Variants in ARHGEF17 observed in about 807,000 individuals in gnomAD.
ARHGEF17 encodes the protein 164 kDa Rho-specific guanine-nucleotide exchange factor.
A neutral mutation model predicts 174.0 loss-of-function variants in ARHGEF17; 80 were observed. The observed-to-expected ratio is 0.46, with a 90% CI of 0.38 to 0.55. The LOEUF (loss-of-function observed/expected upper bound fraction) is 0.55. ARHGEF17 is among the 20% of genes least tolerant of loss of function. The pLI, the probability that ARHGEF17 is intolerant of heterozygous loss-of-function variation, is 0.00. For missense variants in ARHGEF17, 2,886 were observed against 2,839.7 expected, an observed-to-expected ratio of 1.02 and a Z score of -0.37; for synonymous variants, 1,311 against 1,189.1, an observed-to-expected ratio of 1.10 and a Z score of -2.11.
Position 73,309,269 on chromosome 11 carries a change from G to C in ARHGEF17, c.631G>C (p.Ala211Pro), listed in dbSNP as rs774457774. ...GCAACAGGAGCGGGCGCAGCGTCCA[G>C]CGGATGGTTTACATTCTTGGCATAT... ...QQQQERAQRP[A>P]DGLHSWHIFS... is the part of the protein sequence containing the mutation. The change falls in exon 1 of 21, where the codon GCG becomes CCG. Residue 211 changes from alanine (A) to proline (P), a missense_variant. Around this residue, in one of 4 missense-constraint regions of ARHGEF17, gnomAD observed 1,728 missense variants for 1,461.2 expected, o/e 1.18. Transcript: ENST00000263674. 1 of 1,610,944 alleles carries C rather than the reference G, an allele frequency of 6.2e-7. No homozygotes were observed. The highest frequency in any genetic ancestry group is 1.7e-5 in the Admixed American group (1 of 59,902).
intron 9 of ARHGEF17, among the ~76,000 whole-genome samples, chr11:73,358,920 C>T (rs756711337): frequency 1.3e-5 from 2 of 152,194 alleles, no homozygotes; most frequent in Non-Finnish European, 2.9e-5. Context: ...TTCCCGTAGA[C>T]ACAGTGAGAC....
chr11:73,350,184 T>C (rs1865529974), intron 2 of ARHGEF17, among the ~76,000 whole-genome samples: 1 of 152,270 alleles, frequency 6.6e-6, no homozygotes, highest in South Asian at 2.1e-4. Flanking sequence ...TATTATATTC[T>C]TTATACAAAG....
At chr11:73,323,524 A>C (rs1678717396) in intron 1 of ARHGEF17, among the ~76,000 whole-genome samples, 1 of 152,214 alleles carries the variant, frequency 6.6e-6, no homozygotes, top group Admixed American at 6.5e-5. Context: ...CCTGAAGAAG[A>C]GGAGAGCCGC....
At chr11:73,323,932 G>T (rs891621131) in intron 1 of ARHGEF17, among the ~76,000 whole-genome samples, 2 of 152,196 alleles carry the variant, frequency 1.3e-5, no homozygotes, top group East Asian at 3.8e-4. Flanking sequence ...GAGGCTCCCT[G>T]CTTTCTTCTC....
intron 1 of ARHGEF17, among the ~76,000 whole-genome samples, chr11:73,339,616 A>G (rs1865339104): frequency 6.6e-6 from 1 of 152,124 alleles, no homozygotes; most frequent in African/African-American, 2.4e-5. Flanking sequence ...GTGTGTCCAG[A>G]GGCAGGTAGT....
At chr11:73,329,373 A>ATTTTTTTTTTTTTT (rs1192905396) in intron 1 of ARHGEF17, among the ~76,000 whole-genome samples, 1 of 13,168 alleles carries the variant, frequency 7.6e-5, no homozygotes, top group African/African-American at 5.1e-4. Flanking sequence ...ATATATATAT[A>ATTTTTTTTTTTTTT]TTTTTTTTTT....
chr11:73,311,436 A>C lies in ARHGEF17; in HGVS notation c.2798A>C (p.Glu933Ala), dbSNP rs1864832099. Residue 933 changes from glutamate (E) to alanine (A), a missense_variant, in exon 1 of 21, where the codon GAG becomes GCG. This residue lies in a region of ARHGEF17 where 1,728 missense variants were observed against 1,461.2 expected (regional missense o/e 1.18). Transcript: ENST00000263674. ...CGCCCAGCTCGGAGTAGTCACCAGG[A>C]GCTTCGGAGAGACGAGGGCAGTCAG... The part of the protein sequence containing the change: ...KKRPARSSHQ[E>A]LRRDEGSQDQ... The C allele has an allele frequency of 4.3e-6, 7 of 1,613,316 alleles. No homozygotes were observed. Among genetic ancestry groups the C allele is most frequent in the Non-Finnish European group, 5.1e-6 (6 of 1,180,028 alleles).
Position 73,309,732 on chromosome 11 carries a change from CTGTG to C in ARHGEF17, c.1095_1098del (p.Val366GlufsTer9). ...GAGGGACTTCGGCCTATGTCTGACT[CTGTG>C]GGAGGAGCTTTCCGTGTGGCCAAGG... On this transcript the variant is annotated frameshift_variant, in exon 1 of 21. Coordinates refer to ENST00000263674, the MANE Select transcript of ARHGEF17 (RefSeq NM_014786.4). LOFTEE classifies it high-confidence loss of function. The C allele has an allele frequency of 6.2e-7, 1 of 1,612,862 alleles. No individual in the cohort carries two copies.
At chr11:73,332,998 C>A (rs1365287375) in intron 1 of ARHGEF17, among the ~76,000 whole-genome samples, 1 of 152,106 alleles carries the variant, frequency 6.6e-6, no homozygotes, top group Non-Finnish European at 1.5e-5. Flanking sequence ...AGGTCAGTGC[C>A]GGCACTGAGA....
At position 73,363,397 on chromosome 11, in the gene ARHGEF17, C is replaced by T. The variant is rs751925010; in HGVS notation, c.5188C>T (p.Leu1730=). 2.5e-6 allele frequency: 4 copies of T among 1,613,186 alleles called. No homozygotes were observed. In the African/African-American group the frequency reaches 5.3e-5, roughly 22 times the overall value. Residue 1730 remains leucine, a synonymous_variant, in exon 15 of 21, where the codon CTG becomes TTG. Coordinates refer to ENST00000263674, the MANE Select transcript of ARHGEF17 (RefSeq NM_014786.4). ...CACCCGGGGCAGCCTTGAGGACCTG[C>T]TGAGTGTCGACCCTGAGGCCTACCA... The part of the protein sequence containing the change: ...SFTRGSLEDL[L]SVDPEAYQSS...
At chr11:73,317,198 G>A (rs1017563753) in intron 1 of ARHGEF17, among the ~76,000 whole-genome samples, 4 of 152,148 alleles carry the variant, frequency 2.6e-5, no homozygotes, top group African/African-American at 9.7e-5. Flanking sequence ...AGTGAGGCAG[G>A]TGACAGGGCC....
At chr11:73,314,050 C>G (rs1273443273) in intron 1 of ARHGEF17, among the ~76,000 whole-genome samples, 1 of 152,200 alleles carries the variant, frequency 6.6e-6, no homozygotes, top group Non-Finnish European at 1.5e-5. Flanking sequence ...CCTCCAATTT[C>G]CCACACCCTC....
rs769602941 is a variant in ARHGEF17, at chr11:73,357,182, T to G, written c.4001+48T>G. On this transcript the variant is annotated intron_variant, in intron 8 of 20. Transcript: ENST00000263674. ...GGGTGGTGCCAACAGGGGGAGCATT[T>G]GTCCCTCTCTGAGCCCCACTCCCCG... is the stretch of plus-strand genomic sequence containing the variant. The G allele has an allele frequency of 7.4e-6, 12 of 1,612,636 alleles. No homozygotes were observed. In the South Asian group the frequency reaches 1.3e-4, roughly 18 times the overall value.
chr11:73,361,062 CGTCT>C (rs769008139), intron 11 of ARHGEF17, 22 bp from the exon 12 acceptor site: 14 of 1,593,512 alleles, frequency 8.8e-6, no homozygotes, highest in Non-Finnish European at 1.1e-5. Flanking sequence ...AAGCAGGGTC[CGTCT>C]GTCTGTCCAT....
chr11:73,309,098 G>A lies in ARHGEF17; in HGVS notation c.460G>A (p.Asp154Asn). 1 of 1,551,180 alleles carries A rather than the reference G, an allele frequency of 6.4e-7. No homozygotes were observed. Among genetic ancestry groups the A allele is most frequent in the South Asian group, 1.2e-5 (1 of 85,130 alleles). The change falls in exon 1 of 21, where the codon GAC becomes AAC. Residue 154 changes from aspartate (D) to asparagine (N), a missense_variant. Physicochemically the swap from Asp to Asn is conservative, Grantham distance 23. This residue lies in a region of ARHGEF17 where 1,728 missense variants were observed against 1,461.2 expected (regional missense o/e 1.18). Transcript: ENST00000263674. ...TGAATCCCCAGGAACGCCCAGCCCCGACGGTGCCGCGTGGGAGCCTCCGGC... is the reference window on the plus strand; with the variant it reads ...TGAATCCCCAGGAACGCCCAGCCCCAACGGTGCCGCGTGGGAGCCTCCGGC... ...DSESPGTPSP[D>N]GAAWEPPARE...
Position 73,310,681 on chromosome 11 carries a change from T to C in ARHGEF17, c.2043T>C (p.His681=). ...CATCCTCGGCCCAGACGAACCACCATGGCCCTGGGACTGAGGACAGTCTGG... is the reference window on the plus strand; with the variant it reads ...CATCCTCGGCCCAGACGAACCACCACGGCCCTGGGACTGAGGACAGTCTGG... ...LSSSSAQTNH[H]GPGTEDSLGG... The change falls in exon 1 of 21, where the codon CAT becomes CAC. Residue 681 remains histidine (H), a synonymous_variant. Transcript: ENST00000263674. The C allele has an allele frequency of 1.2e-6, 2 of 1,613,850 alleles. No individual in the cohort carries two copies. Among genetic ancestry groups the C allele is most frequent in the Non-Finnish European group, 1.7e-6 (2 of 1,179,990 alleles).
rs1002585435 is a variant in ARHGEF17 at position 73,308,929 on chromosome 11, C to T, written c.291C>T (p.Gly97=). The T allele has an allele frequency of 2.6e-5, 35 of 1,365,058 alleles. No homozygotes were observed. The highest frequency in any genetic ancestry group is 3.1e-5 in the Non-Finnish European group (33 of 1,065,530). The allele number at this position is 1,365,058 out of a possible 1,614,324, so 84.6% of individuals were successfully genotyped here. A position where few individuals can be genotyped will look rare whatever the true frequency, so the allele number is the denominator to read the frequency against. ...TCGACGCGCCGCGTCTGGACGACGG[C>T]TCCGCTGGGACCCGAGACGGAGGCG... ...RRFDAPRLDD[G]SAGTRDGGVL... is the part of the protein sequence containing the mutation. Residue 97 remains glycine (G), a synonymous_variant, in exon 1 of 21, where the codon GGC becomes GGT. Transcript: ENST00000263674.
chr11:73,365,629 G>C lies in ARHGEF17; in HGVS notation c.5726-49G>C, dbSNP rs776713294. On this transcript the variant is annotated intron_variant, in intron 19 of 20. Coordinates refer to ENST00000263674, the MANE Select transcript of ARHGEF17 (RefSeq NM_014786.4). The surrounding 1 kb of genome is among the most constrained non-coding windows in gnomAD (Gnocchi z 4.9). ...TTTCTGCCCGATCGTAGAGGCGGCTGAGCCAGGGCCAGAATTCAGCCCCAG... is the reference window on the plus strand; with the variant it reads ...TTTCTGCCCGATCGTAGAGGCGGCTCAGCCAGGGCCAGAATTCAGCCCCAG... 3 of 1,607,728 alleles carry C rather than the reference G, an allele frequency of 1.9e-6. No individual in the cohort carries two copies. Among genetic ancestry groups the C allele is most frequent in the Non-Finnish European group, 2.6e-6 (3 of 1,174,932 alleles).
At position 73,356,328 on chromosome 11, in the gene ARHGEF17, G is replaced by C; in HGVS notation, c.3817G>C (p.Ala1273Pro). 3.1e-6 allele frequency: 5 copies of C among 1,612,016 alleles called. No homozygotes were observed. Among genetic ancestry groups the C allele is most frequent in the Non-Finnish European group, 4.2e-6 (5 of 1,179,994 alleles). Residue 1273 changes from alanine (A) to proline (P), a missense_variant, in exon 6 of 21, where the codon GCT (alanine) becomes CCT (proline). Around this residue, in one of 4 missense-constraint regions of ARHGEF17, gnomAD observed 353 missense variants for 470.3 expected, o/e 0.75. Transcript: ENST00000263674. ...RHARVLQEIE[A>P]HIEGMEDLQA... Reference sequence around the variant, plus strand: ...TGCCCGTGTGCTGCAGGAGATAGAGGCTCACATCGAGGGCATGGAGGATGT... The same window carrying C: ...TGCCCGTGTGCTGCAGGAGATAGAGCCTCACATCGAGGGCATGGAGGATGT...
Sources: gnomAD v4.1 joint callset for allele counts (sites outside exome capture counted in the v4.1 genomes callset) on GRCh38, gnomAD v4.1.1 for gene constraint, gnomAD v4.1.1 regional missense constraint, Gnocchi (gnomAD v3.1) non-coding constraint, MANE v1.5 for transcripts, NCBI Gene and HGNC (gene_info 2026-07-23, HGNC 2026-07-21) for gene names.